IMPDH1: variants seen among roughly 807,000 people sequenced by gnomAD.
IMPDH1 encodes inosine monophosphate dehydrogenase 1.
In IMPDH1, 41 loss-of-function variants were observed where a neutral mutation model predicts 73.5. The ratio of observed to expected loss-of-function variants is 0.56; its 90% CI spans 0.43 to 0.72. The LOEUF is 0.72. IMPDH1 is among the 30% of genes least tolerant of loss of function. The probability of loss-of-function intolerance (pLI) is 0.00; values close to 1 mark genes in which losing one functional copy is unlikely to be tolerated. For synonymous variants in IMPDH1, 318 were observed against 334.3 expected (o/e 0.95, Z 0.53); for missense variants, 645 against 824.8 (o/e 0.78, Z 2.67).
chr7:128,403,354 T>C (rs1286346317), intron 5 of IMPDH1, among the ~76,000 whole-genome samples: 2 of 152,124 alleles, frequency 1.3e-5, no homozygotes, highest in Admixed American at 1.3e-4. Context: ...GCTCAGGAGT[T>C]TGAGACCAGC....
rs1290202364 is a variant in IMPDH1, at chr7:128,405,868, G to A, written c.255-3C>T. The A allele has an allele frequency of 1.3e-6, 2 of 1,522,830 alleles. No homozygotes were observed. Among genetic ancestry groups the A allele is most frequent in the African/African-American group, 2.9e-5 (2 of 69,754 alleles). The allele number at this position is 1,522,830 out of a possible 1,614,324, so 94.3% of individuals were successfully genotyped here. On this transcript the variant is annotated splice_polypyrimidine_tract_variant and splice_region_variant and intron_variant, in intron 3 of 16. Transcript: ENST00000338791. ...CGCTGATCAGGTAGTCCGCCATGCT[G>A]CCGCGAGACCCCGCGACCCGACATA...
chr7:128,400,323 C>A lies in IMPDH1; in HGVS notation c.786+10G>T. On this transcript the variant is annotated intron_variant, in intron 8 of 16. Coordinates refer to ENST00000338791, the MANE Select transcript of IMPDH1 (RefSeq NM_000883.4). ...TACACCCAGCCCTGCTTCCCCTGCC[C>A]TGCAGGTACCTCACTGAGGAGGGTG... The A allele has an allele frequency of 6.2e-7, 1 of 1,613,156 alleles. No individual in the cohort carries two copies. Among genetic ancestry groups the A allele is most frequent in the Non-Finnish European group, 8.5e-7 (1 of 1,179,398 alleles).
intron 3 of IMPDH1, among the ~76,000 whole-genome samples, chr7:128,407,703 T>G (rs11769333): frequency 0.076 from 11,621 of 152,246 alleles, 457 homozygotes; most frequent in South Asian, 0.12. Context: ...AAGGACCTGC[T>G]CTGGGTCACT....
At position 128,409,458 on chromosome 7, in the gene IMPDH1, G is replaced by A; in HGVS notation, c.173C>T (p.Pro58Leu). ...ESPRLDLATH[P>L]TTPRSELSSV... ...GGAGCCACCTGAACGGGGTGTCGTC[G>A]GGTGTGTAGCGAGGTCCAATCTAGG... The change falls in exon 2 of 17, where the codon CCG (proline) becomes CTG (leucine). Residue 58 changes from proline to leucine, a missense_variant. Coordinates refer to ENST00000338791, the MANE Select transcript of IMPDH1 (RefSeq NM_000883.4). The A allele has an allele frequency of 1.2e-6, 2 of 1,614,196 alleles. No individual in the cohort carries two copies. The highest frequency in any genetic ancestry group is 1.1e-5 in the South Asian group (1 of 91,090).
chr7:128,395,812 G>A (rs779175714), intron 12 of IMPDH1, among the ~76,000 whole-genome samples: 1 of 152,180 alleles, frequency 6.6e-6, no homozygotes, highest in African/African-American at 2.4e-5. Context: ...TCAAAGCTTT[G>A]AACAGTGCCT....
Position 128,394,500 on chromosome 7 carries a change from T to C in IMPDH1, c.1650A>G (p.Gln550=), listed in dbSNP as rs546532618. ...KFVPYLIAGI[Q]HGCQDIGARS... ...GGGCCCCGATATCCTGGCAGCCGTG[T>C]TGGATGCCTGCTATGAGGTAGGGCA... Residue 550 remains glutamine (Q), a synonymous_variant, in exon 15 of 17, where the codon CAA becomes CAG. Transcript: ENST00000338791. The surrounding 1 kb of genome is among the most constrained non-coding windows in gnomAD (Gnocchi z 5.5). The C allele has an allele frequency of 8.7e-6, 14 of 1,613,984 alleles. No homozygotes were observed. The East Asian group carries it at 2.5e-4, about 28-fold the overall frequency.
intron 16 of IMPDH1, 44 bp from the exon 17 acceptor site, chr7:128,393,072 A>G: frequency 6.2e-7 from 1 of 1,610,132 alleles, no homozygotes; most frequent in Non-Finnish European, 8.5e-7. Context: ...GGGTGTGTGG[A>G]CCCTGCTCCT....
chr7:128,400,666 A>G, intron 7 of IMPDH1, 127 bp from the exon 8 acceptor site: 2 of 1,195,702 alleles, frequency 1.7e-6, no homozygotes, highest in Non-Finnish European at 2.5e-6. Flanking sequence ...ATGAGGAGCC[A>G]GTGGGAAAAT....
rs1228416467 is a variant in IMPDH1, at chr7:128,394,996, G to A, written c.1443C>T (p.Ala481=). 1.2e-6 allele frequency: 2 copies of A among 1,613,930 alleles called. No individual in the cohort carries two copies. Among genetic ancestry groups the A allele is most frequent in the Non-Finnish European group, 1.7e-6 (2 of 1,180,040 alleles). The change falls in exon 14 of 17, where the codon GCC becomes GCT. Residue 481 remains alanine, a synonymous_variant. Transcript: ENST00000338791. The surrounding 1 kb of genome is among the most constrained non-coding windows in gnomAD (Gnocchi z 5.5). ...CGTCTGAGAAGAAGTACTCGCCAGG[G>A]GCCTCCGTAGTGGCGGCCAGCAGGG... The part of the protein sequence containing the change: ...MGSLLAATTE[A]PGEYFFSDGV...
In IMPDH1 at chr7:128,398,340, A is replaced by G; in HGVS notation, c.1074+74T>C. 1 of 1,223,090 alleles carries G rather than the reference A, an allele frequency of 8.2e-7. No individual in the cohort carries two copies. Among genetic ancestry groups the G allele is most frequent in the Non-Finnish European group, 1.2e-6 (1 of 830,648 alleles). The allele number at this position is 1,223,090 out of a possible 1,614,324, so 75.8% of individuals were successfully genotyped here. ...GGGGCACAGGCTTAATCAGAGGTGAACCTGGGTCCTCATAAACCTCCACTC... is the reference window on the plus strand; with the variant it reads ...GGGGCACAGGCTTAATCAGAGGTGAGCCTGGGTCCTCATAAACCTCCACTC... On this transcript the variant is annotated intron_variant, in intron 10 of 16. Transcript: ENST00000338791. The surrounding 1 kb of genome is among the most constrained non-coding windows in gnomAD (Gnocchi z 4.3).
Position 128,401,087 on chromosome 7 carries a change from G to A in IMPDH1, c.432C>T (p.Ile144=), listed in dbSNP as rs1488455606. 1.9e-6 allele frequency: 3 copies of A among 1,613,974 alleles called. No individual in the cohort carries two copies. The South Asian group carries it at 3.3e-5, about 18-fold the overall frequency. The change falls in exon 6 of 17, where the codon ATC becomes ATT. Residue 144 remains isoleucine (I), a synonymous_variant. Transcript: ENST00000338791. ...AGGAGATCAGTGGCGTCTTCAGCGT[G>A]ATCTTCCGGGTCAGGGCTGAGGTCA... The part of the protein sequence containing the change: ...VDLTSALTRK[I]TLKTPLISSP...
rs1797736764 is a variant in IMPDH1 at position 128,394,175 on chromosome 7, G to C, written c.1778+103C>G. ...GCAGCAGCATCTGTCCCTGCTGCAG[G>C]TGGTCCATGGGGTCCCTGGAACCTC... is the stretch of plus-strand genomic sequence containing the variant. On this transcript the variant is annotated intron_variant, in intron 16 of 16. Transcript: ENST00000338791. This position sits in a 1 kb window ranked among gnomAD's most constrained non-coding sequence, Gnocchi z 5.5. 4.5e-6 allele frequency: 4 copies of C among 890,130 alleles called. No homozygotes were observed. The highest frequency in any genetic ancestry group is 1.3e-5 in the South Asian group (1 of 75,260). The allele number at this position is 890,130 out of a possible 1,614,324, so 55.1% of individuals were successfully genotyped here.
At position 128,394,400 on chromosome 7, in the gene IMPDH1, G is replaced by C; in HGVS notation, c.1695-39C>G. On this transcript the variant is annotated intron_variant, in intron 15 of 16. Transcript: ENST00000338791. This position sits in a 1 kb window ranked among gnomAD's most constrained non-coding sequence, Gnocchi z 5.5. ...AGGTGGAGCAGATCAGGGCCACCAA[G>C]GGTGGAGAAGAGCGAGAGAAAGGAA... The C allele has an allele frequency of 6.2e-7, 1 of 1,611,468 alleles. No homozygotes were observed. The highest frequency in any genetic ancestry group is 2.2e-5 in the East Asian group (1 of 44,872).
At position 128,394,337 on chromosome 7, in the gene IMPDH1, G is replaced by C. The variant is rs962883530; in HGVS notation, c.1719C>G (p.Leu573=). 9.3e-6 allele frequency: 15 copies of C among 1,613,950 alleles called. No homozygotes were observed. The highest frequency in any genetic ancestry group is 2.7e-5 in the African/African-American group (2 of 74,904). The part of the protein sequence containing the change: ...VLRSMMYSGE[L]KFEKRTMSAQ... Reference sequence around the variant, plus strand: ...CCGACATGGTCCGCTTCTCAAACTTGAGCTCTCCTGAGTACATCATGGACC... The same window carrying C: ...CCGACATGGTCCGCTTCTCAAACTTCAGCTCTCCTGAGTACATCATGGACC... The change falls in exon 16 of 17, where the codon CTC becomes CTG. Residue 573 remains leucine, a synonymous_variant. Coordinates refer to ENST00000338791, the MANE Select transcript of IMPDH1 (RefSeq NM_000883.4). This position sits in a 1 kb window ranked among gnomAD's most constrained non-coding sequence, Gnocchi z 5.5.
chr7:128,405,773 G>A lies in IMPDH1; in HGVS notation c.347C>T (p.Thr116Ile). 1 of 1,538,118 alleles carries A rather than the reference G, an allele frequency of 6.5e-7. No homozygotes were observed. ...TACGAGACCCGGCGCTTACTTGTAG[G>A]TGAGGCCGTCGGCGCTGGCGAAGAG... ...QQLFASADGL[T>I]YNDFLILPGF... is the part of the protein sequence containing the mutation. Residue 116 changes from threonine (T) to isoleucine (I), a missense_variant, in exon 4 of 17, where the codon ACC (threonine) becomes ATC (isoleucine). Physicochemically the swap from Thr to Ile is moderately conservative, Grantham distance 89 (BLOSUM62 -1). This residue lies in a region of IMPDH1 where 186 missense variants were observed against 186.6 expected (regional missense o/e 1.00). Transcript: ENST00000338791.
At chr7:128,402,760 T>G (rs1402177003) in intron 5 of IMPDH1, among the ~76,000 whole-genome samples, 1 of 152,194 alleles carries the variant, frequency 6.6e-6, no homozygotes, top group Non-Finnish European at 1.5e-5. Flanking sequence ...TGGCACTTTT[T>G]CTTGAAATGA....
At chr7:128,393,723 C>T (rs1398991416) in intron 16 of IMPDH1, 4 of 200,846 alleles carry the variant, frequency 2.0e-5, no homozygotes, top group East Asian at 1.3e-4. Context: ...GTTACTTACA[C>T]GGCAGAAAGG....
intron 3 of IMPDH1, among the ~76,000 whole-genome samples, chr7:128,408,070 G>C (rs1798892861): frequency 6.6e-6 from 1 of 152,126 alleles, no homozygotes; most frequent in Non-Finnish European, 1.5e-5. Context: ...ATCTTCCCCA[G>C]CTGCTTCCTC....
intron 10 of IMPDH1, among the ~76,000 whole-genome samples, chr7:128,397,229 T>A (rs1163955422): frequency 5.9e-5 from 9 of 151,290 alleles, no homozygotes; most frequent in Admixed American, 5.9e-4. Context: ...CCTGAAAGGT[T>A]AACCACAACT....
Sources: gnomAD v4.1 joint callset for allele counts (sites outside exome capture counted in the v4.1 genomes callset) on GRCh38, gnomAD v4.1.1 for gene constraint, gnomAD v4.1.1 regional missense constraint, Gnocchi (gnomAD v3.1) non-coding constraint, MANE v1.5 for transcripts, NCBI Gene and HGNC (gene_info 2026-07-23, HGNC 2026-07-21) for gene names.